The following RIN2 variants were observed in gnomAD, a reference collection of about 807,000 sequenced individuals.
The protein encoded by RIN2 is RAB5 interacting protein 2.
A neutral mutation model predicts 78.0 loss-of-function variants in RIN2; 36 were observed. The observed-to-expected ratio is 0.46, with a 90% CI of 0.35 to 0.61. The LOEUF is 0.61. RIN2 is among the 20% of genes least tolerant of loss of function. The pLI is 0.00. For missense variants in RIN2, 1,087 were observed against 1,159.7 expected, an observed-to-expected ratio of 0.94 and a Z score of 0.91; for synonymous variants, 466 against 466.8, an observed-to-expected ratio of 1.00 and a Z score of 0.02.
intron 6 of RIN2, among the ~76,000 whole-genome samples, chr20:19,962,693 G>C (rs1283085543): frequency 1.3e-5 from 2 of 152,122 alleles, no homozygotes. Context: ...GGTGAAGGAA[G>C]GACTTGCTAT....
At chr20:19,983,453 A>C (rs757151508) in intron 9 of RIN2, among the ~76,000 whole-genome samples, 3 of 152,126 alleles carry the variant, frequency 2.0e-5, no homozygotes, top group Non-Finnish European at 4.4e-5. Flanking sequence ...GGTAATACAT[A>C]TAATATTAGA....
chr20:19,825,092 G>T lies in RIN2; in HGVS notation c.-37+25345G>T, dbSNP rs558944103. Among the ~76,000 whole-genome samples, 146 of 152,220 alleles carry T rather than the reference G, an allele frequency of 9.6e-4. 1 individual carries two copies. The highest frequency in any genetic ancestry group is 1.7e-3 in the Non-Finnish European group (118 of 68,046). ...TATGAGTCATGCTCTCAAGATCCCT[G>T]GGGATGAGACCAGGCTAGACTTTCC... On this transcript the variant is annotated intron_variant, in intron 2 of 12. Transcript: ENST00000255006.
chr20:19,845,156 C>G (rs1336950881), intron 2 of RIN2, among the ~76,000 whole-genome samples: 1 of 152,146 alleles, frequency 6.6e-6, no homozygotes, highest in Non-Finnish European at 1.5e-5. Context: ...GGGCTGGTTC[C>G]AAGTCTTTGC....
At chr20:19,996,563 T>C in intron 11 of RIN2, 116 bp from the exon 12 acceptor site, 1 of 1,010,248 alleles carries the variant, frequency 9.9e-7, no homozygotes, top group East Asian at 2.5e-5. Context: ...CACAAGGAAA[T>C]GCATGTTGAA....
chr20:19,857,490 T>G (rs2037204764), intron 2 of RIN2, among the ~76,000 whole-genome samples: 1 of 152,216 alleles, frequency 6.6e-6, no homozygotes, highest in Admixed American at 6.5e-5. Context: ...TTATTTTGGA[T>G]GTATAACTAA....
At chr20:19,824,896 C>G (rs904110762) in intron 2 of RIN2, among the ~76,000 whole-genome samples, 1 of 152,202 alleles carries the variant, frequency 6.6e-6, no homozygotes, top group Non-Finnish European at 1.5e-5. Flanking sequence ...CAGATCTCCT[C>G]CTCTAGCCAT....
intron 2 of RIN2, among the ~76,000 whole-genome samples, chr20:19,804,829 T>G (rs1053982457): frequency 1.3e-5 from 2 of 152,030 alleles, no homozygotes; most frequent in African/African-American, 4.8e-5. Flanking sequence ...ATGTGGGTTT[T>G]TTTTGTTTTG....
chr20:19,794,843 T>C (rs2035004308), intron 1 of RIN2, among the ~76,000 whole-genome samples: 1 of 152,166 alleles, frequency 6.6e-6, no homozygotes, highest in Non-Finnish European at 1.5e-5. Flanking sequence ...ATTTGGTTAA[T>C]TCATGAATAA....
At chr20:19,957,713 A>G (rs2041598807) in intron 5 of RIN2, among the ~76,000 whole-genome samples, 1 of 152,158 alleles carries the variant, frequency 6.6e-6, no homozygotes, top group African/African-American at 2.4e-5. Flanking sequence ...CTCTAGTGCT[A>G]TCCAATATGG....
chr20:19,922,330 C>G (rs1485915234), intron 3 of RIN2, among the ~76,000 whole-genome samples: 1 of 152,140 alleles, frequency 6.6e-6, no homozygotes. Flanking sequence ...GCCAGCTGTG[C>G]CAGCCTGAAC....
At chr20:19,939,906 A>C (rs1484333310) in intron 4 of RIN2, among the ~76,000 whole-genome samples, 1 of 151,250 alleles carries the variant, frequency 6.6e-6, no homozygotes, top group Admixed American at 6.6e-5. Context: ...GCTGGAGTGC[A>C]ATAGTGGTGT....
chr20:19,938,197 TTTTC>T (rs1236261181), intron 4 of RIN2, among the ~76,000 whole-genome samples: 1 of 152,084 alleles, frequency 6.6e-6, no homozygotes, highest in Non-Finnish European at 1.5e-5. Context: ...GATCCCCTCC[TTTTC>T]TTTTTTTGTT....
At chr20:19,903,922 T>G (rs1162438102) in intron 3 of RIN2, among the ~76,000 whole-genome samples, 2 of 152,138 alleles carry the variant, frequency 1.3e-5, no homozygotes, top group African/African-American at 2.4e-5. Context: ...TGGGCTGAGC[T>G]CAGTACCTGG....
intron 2 of RIN2, among the ~76,000 whole-genome samples, chr20:19,860,098 G>C (rs1414489680): frequency 6.6e-6 from 1 of 152,164 alleles, no homozygotes; most frequent in Non-Finnish European, 1.5e-5. Flanking sequence ...GCCAACTCCT[G>C]CCAGGCATTG....
At chr20:19,845,505 A>T (rs1475882840) in intron 2 of RIN2, among the ~76,000 whole-genome samples, 1 of 150,804 alleles carries the variant, frequency 6.6e-6, no homozygotes, top group African/African-American at 2.4e-5. Flanking sequence ...CTTTTTTTTC[A>T]TATGTTTGTT....
At chr20:19,844,579 C>T (rs746696813) in intron 2 of RIN2, among the ~76,000 whole-genome samples, 21 of 137,954 alleles carry the variant, frequency 1.5e-4, no homozygotes, top group Non-Finnish European at 2.4e-4. Context: ...TAGAGAGCTG[C>T]TGCTGCTGCT....
chr20:19,996,602 C>T (rs1601092398), intron 11 of RIN2, 77 bp from the exon 12 acceptor site: 1 of 1,452,062 alleles, frequency 6.9e-7, no homozygotes, highest in Non-Finnish European at 9.6e-7. Context: ...AACATGCCTT[C>T]TAACGCTGGC....
intron 1 of RIN2, among the ~76,000 whole-genome samples, chr20:19,770,936 C>T (rs1390630415): frequency 2.0e-5 from 3 of 151,348 alleles, no homozygotes; most frequent in Non-Finnish European, 4.4e-5. Flanking sequence ...CTGACAGACC[C>T]GGCATCAAGT....
chr20:19,900,963 A>G (rs923837124), intron 3 of RIN2, among the ~76,000 whole-genome samples: 2 of 150,548 alleles, frequency 1.3e-5, no homozygotes, highest in Non-Finnish European at 3.0e-5. Flanking sequence ...AAAAAAAAAA[A>G]AAAAAAAAAA....
Sources: gnomAD v4.1 joint callset for allele counts (sites outside exome capture counted in the v4.1 genomes callset) on GRCh38, gnomAD v4.1.1 for gene constraint, MANE v1.5 for transcripts, NCBI Gene and HGNC (gene_info 2026-07-23, HGNC 2026-07-21) for gene names.